Variants in CPPED1 observed in about 807,000 individuals in gnomAD.
CPPED1 encodes calcineurin like phosphoesterase domain containing 1.
A neutral mutation model predicts 28.0 loss-of-function variants in CPPED1; 28 were observed. The observed-to-expected ratio is 1.00, with a 90% confidence interval of 0.74 to 1.37. CPPED1 has a LOEUF of 1.37. Among genes scored for constraint, CPPED1 ranks in the 40% most tolerant of loss-of-function variants. The pLI is 0.00. For missense variants in CPPED1, 504 were observed against 416.5 expected (o/e 1.21, Z -1.83); for synonymous variants, 198 against 180.2 (o/e 1.10, Z -0.79).
At position 12,715,013 on chromosome 16, in the gene CPPED1, T is replaced by C. The variant is rs74352027; in HGVS notation, c.290-9964A>G. On this transcript the variant is annotated intron_variant, in intron 2 of 3. Transcript: ENST00000381774. ...GGGTCCAAATTCACTCTTTTGCATGTGGATATCCAGATGTCCCTGCACCAT... is the reference window on the plus strand; with the variant it reads ...GGGTCCAAATTCACTCTTTTGCATGCGGATATCCAGATGTCCCTGCACCAT... Among the ~76,000 whole-genome samples, 1,054 of 152,248 alleles carry C rather than the reference T, an allele frequency of 6.9e-3. 8 individuals are homozygous for C. Among genetic ancestry groups the C allele is most frequent in the Non-Finnish European group, 9.8e-3 (668 of 68,028 alleles).
At chr16:12,766,138 A>G (rs1054128215) in intron 2 of CPPED1, among the ~76,000 whole-genome samples, 3 of 151,870 alleles carry the variant, frequency 2.0e-5, no homozygotes, top group African/African-American at 7.3e-5. Flanking sequence ...CATTAGCTCC[A>G]GAAAACCCCA....
chr16:12,732,557 G>C (rs2080204938), intron 2 of CPPED1, among the ~76,000 whole-genome samples: 1 of 151,520 alleles, frequency 6.6e-6, no homozygotes, highest in African/African-American at 2.4e-5. Flanking sequence ...GGACTTCCGA[G>C]AACAAAAGGG....
chr16:12,681,971 T>C (rs946553679), intron 3 of CPPED1, among the ~76,000 whole-genome samples: 2 of 152,082 alleles, frequency 1.3e-5, no homozygotes, highest in African/African-American at 2.4e-5. Flanking sequence ...GATTACAGCA[T>C]AGCATCACTT....
chr16:12,724,863 C>T (rs9923473), intron 2 of CPPED1, among the ~76,000 whole-genome samples: 119,428 of 151,946 alleles, frequency 0.79, 47,098 homozygotes, highest in African/African-American at 0.84. Context: ...CTCGGCTCAC[C>T]GCAAGCTCAG....
At chr16:12,677,627 C>T (rs1004098861) in intron 3 of CPPED1, among the ~76,000 whole-genome samples, 21 of 152,230 alleles carry the variant, frequency 1.4e-4, no homozygotes, top group African/African-American at 3.6e-4. Flanking sequence ...GGTGGCAGAG[C>T]GAGACTCTGT....
chr16:12,779,092 T>A (rs1474087262), intron 2 of CPPED1, among the ~76,000 whole-genome samples: 2 of 152,226 alleles, frequency 1.3e-5, no homozygotes, highest in African/African-American at 2.4e-5. Context: ...ACTGAATACA[T>A]CAACAGAATT....
chr16:12,731,378 TAA>T (rs111814033), intron 2 of CPPED1, among the ~76,000 whole-genome samples: 13 of 140,462 alleles, frequency 9.3e-5, no homozygotes, highest in African/African-American at 3.1e-4. Context: ...TTTTTTTAAT[TAA>T]AAAAAAAAAA....
At chr16:12,681,472 G>A (rs186431377) in intron 3 of CPPED1, among the ~76,000 whole-genome samples, 162 of 152,226 alleles carry the variant, frequency 1.1e-3, no homozygotes, top group South Asian at 3.9e-3. Flanking sequence ...CCCAGGCTCA[G>A]GTATTCTGTT....
At chr16:12,777,408 G>C (rs1443729953) in intron 2 of CPPED1, among the ~76,000 whole-genome samples, 1 of 152,158 alleles carries the variant, frequency 6.6e-6, no homozygotes, top group South Asian at 2.1e-4. Context: ...CCAGTGGGTC[G>C]ATACCTCAGC....
chr16:12,744,703 A>G (rs969395603), intron 2 of CPPED1, among the ~76,000 whole-genome samples: 42 of 151,954 alleles, frequency 2.8e-4, no homozygotes, highest in Non-Finnish European at 3.2e-4. Flanking sequence ...GACAGAAGCC[A>G]GGCGTGGTGA....
intron 3 of CPPED1, among the ~76,000 whole-genome samples, chr16:12,697,356 G>A (rs1446994850): frequency 1.4e-5 from 2 of 140,696 alleles, no homozygotes; most frequent in Non-Finnish European, 3.0e-5. Context: ...CATCTTACAT[G>A]CACCATGGAC....
chr16:12,688,891 A>C (rs953589014), intron 3 of CPPED1, among the ~76,000 whole-genome samples: 34 of 152,382 alleles, frequency 2.2e-4, no homozygotes, highest in African/African-American at 7.9e-4. Flanking sequence ...TGTCTTCAGC[A>C]AAACACGACA....
intron 2 of CPPED1, among the ~76,000 whole-genome samples, chr16:12,735,653 C>T (rs1294543007): frequency 6.6e-6 from 1 of 152,188 alleles, no homozygotes; most frequent in East Asian, 1.9e-4. Context: ...ACTATACCAC[C>T]TGCTTCATAG....
At chr16:12,703,012 CAAAAAAAAA>C (rs11385568) in intron 3 of CPPED1, among the ~76,000 whole-genome samples, 3 of 122,148 alleles carry the variant, frequency 2.5e-5, no homozygotes, top group African/African-American at 9.1e-5. Flanking sequence ...GACTCCGTCT[CAAAAAAAAA>C]AAAAAAAGAA....
Position 12,670,945 on chromosome 16 carries a change from G to A in CPPED1, c.716-5830C>T, listed in dbSNP as rs933091539. 6.6e-6 allele frequency among the ~76,000 whole-genome samples: 1 copy of A among 152,088 alleles called. No individual in the cohort carries two copies. Among genetic ancestry groups the A allele is most frequent in the Non-Finnish European group, 1.5e-5 (1 of 68,018 alleles). ...GGCTCACTGCAAACTCCGCCTCCCGGGTTCAAGTGATTCTCCTGCCTCAGC... is the reference window on the plus strand; with the variant it reads ...GGCTCACTGCAAACTCCGCCTCCCGAGTTCAAGTGATTCTCCTGCCTCAGC... On this transcript the variant is annotated intron_variant, in intron 3 of 3. Transcript: ENST00000381774. This position sits in a 1 kb window ranked among gnomAD's most constrained non-coding sequence, Gnocchi z 4.2.
In CPPED1 at chr16:12,682,646, G is replaced by A. The variant is rs1484408711; in HGVS notation, c.716-17531C>T. 6.6e-6 allele frequency among the ~76,000 whole-genome samples: 1 copy of A among 152,224 alleles called. No homozygotes were observed. ...CCAGGGCCACTGGGAAGATAAGTGAGAATCAGGGACACGCCCTGGGTGGCA... is the reference window on the plus strand; with the variant it reads ...CCAGGGCCACTGGGAAGATAAGTGAAAATCAGGGACACGCCCTGGGTGGCA... On this transcript the variant is annotated intron_variant, in intron 3 of 3. Coordinates refer to ENST00000381774, the MANE Select transcript of CPPED1 (RefSeq NM_018340.3). The surrounding 1 kb of genome is among the most constrained non-coding windows in gnomAD (Gnocchi z 6.1).
intron 2 of CPPED1, among the ~76,000 whole-genome samples, chr16:12,748,950 T>C (rs1425169685): frequency 6.7e-6 from 1 of 149,216 alleles, no homozygotes; most frequent in African/African-American, 2.6e-5. Flanking sequence ...AAAAATACTT[T>C]ATTGCTAAAA....
intron 1 of CPPED1, among the ~76,000 whole-genome samples, chr16:12,795,371 G>A (rs1051739892): frequency 6.6e-6 from 1 of 151,648 alleles, no homozygotes; most frequent in Non-Finnish European, 1.5e-5. Context: ...TCAGAGTCTC[G>A]CTCTGTGGCC....
At position 12,799,570 on chromosome 16, in the gene CPPED1, C is replaced by G. The variant is rs933634721; in HGVS notation, c.70+4137G>C. 2.0e-5 allele frequency among the ~76,000 whole-genome samples: 3 copies of G among 152,220 alleles called. 1 individual carries two copies. The highest frequency in any genetic ancestry group is 4.4e-5 in the Non-Finnish European group (3 of 68,038). On this transcript the variant is annotated intron_variant, in intron 1 of 3. Transcript: ENST00000381774. ...CTCGAAAAGCTAGTTCTTTAACTTT[C>G]TCAGTCTGCCCAAGGGGCAAATCTA... is the stretch of plus-strand genomic sequence containing the variant.
Sources: gnomAD v4.1 joint callset for allele counts (sites outside exome capture counted in the v4.1 genomes callset) on GRCh38, gnomAD v4.1.1 for gene constraint, Gnocchi (gnomAD v3.1) non-coding constraint, MANE v1.5 for transcripts, NCBI Gene and HGNC (gene_info 2026-07-23, HGNC 2026-07-21) for gene names.